Variants in SUGCT observed in about 807,000 individuals in gnomAD.
SUGCT encodes the protein succinyl-CoA:glutarate-CoA transferase.
In SUGCT, 41 loss-of-function variants were observed where a neutral mutation model predicts 55.0. The observed-to-expected ratio is 0.74, with a 90% CI of 0.58 to 0.97. The LOEUF is 0.97. Among genes scored for constraint, SUGCT ranks in the 50% least tolerant of loss-of-function variants. The pLI is 0.00. For synonymous variants in SUGCT, 187 were observed against 200.4 expected, an observed-to-expected ratio of 0.93 and a Z score of 0.56; for missense variants, 568 against 547.8, an observed-to-expected ratio of 1.04 and a Z score of -0.37.
intron 6 of SUGCT, among the ~76,000 whole-genome samples, chr7:40,197,135 C>T (rs183035669): frequency 2.6e-5 from 4 of 152,040 alleles, no homozygotes; most frequent in Non-Finnish European, 4.4e-5. Flanking sequence ...GTGCCCGGCC[C>T]TGATGATTAA....
intron 1 of SUGCT, among the ~76,000 whole-genome samples, chr7:40,157,216 A>G (rs930760283): frequency 6.6e-6 from 1 of 152,008 alleles, no homozygotes; most frequent in African/African-American, 2.4e-5. Flanking sequence ...ACATTTATTT[A>G]TGTTCCAAAG....
chr7:40,545,989 C>A (rs1399790410), intron 12 of SUGCT, among the ~76,000 whole-genome samples: 1 of 152,184 alleles, frequency 6.6e-6, no homozygotes, highest in Non-Finnish European at 1.5e-5. Context: ...AAATCAGAAT[C>A]ATACATCATA....
intron 13 of SUGCT, among the ~76,000 whole-genome samples, chr7:40,846,321 C>G (rs1256788066): frequency 6.6e-6 from 1 of 151,794 alleles, no homozygotes; most frequent in East Asian, 1.9e-4. Context: ...GTTTCTTCAC[C>G]CTTTTGAGTA....
chr7:40,478,269 G>A (rs1206088172), intron 11 of SUGCT, among the ~76,000 whole-genome samples: 2 of 151,996 alleles, frequency 1.3e-5, no homozygotes, highest in African/African-American at 2.4e-5. Context: ...GCCTCCCAAA[G>A]CACTGGAATT....
At chr7:40,575,125 T>TGGGGGGGGGGGGGGGGGGGGGGGGGG (rs1491375845) in intron 12 of SUGCT, among the ~76,000 whole-genome samples, 2 of 136,956 alleles carry the variant, frequency 1.5e-5, no homozygotes, top group African/African-American at 6.3e-5. Context: ...GTGGCGGGGG[T>TGGGGGGGGGGGGGGGGGGGGGGGGGG]GGGGGTGGAG....
chr7:40,345,239 A>G (rs1797249417), intron 9 of SUGCT, among the ~76,000 whole-genome samples: 1 of 151,726 alleles, frequency 6.6e-6, no homozygotes. Context: ...TTGAGTGTAT[A>G]AGGTATGGAG....
chr7:40,181,892 A>G, intron 2 of SUGCT, 63 bp from the exon 3 acceptor site: 1 of 1,072,330 alleles, frequency 9.3e-7, no homozygotes, highest in Non-Finnish European at 1.4e-6. Flanking sequence ...GGTTGTTGGA[A>G]AATAATTAAT....
chr7:40,786,394 C>G (rs2128742000), intron 13 of SUGCT, among the ~76,000 whole-genome samples: 1 of 152,258 alleles, frequency 6.6e-6, no homozygotes, highest in African/African-American at 2.4e-5. Flanking sequence ...TTTTGATTAG[C>G]AGGAATTACT....
intron 7 of SUGCT, among the ~76,000 whole-genome samples, chr7:40,260,109 A>G (rs1791120962): frequency 6.6e-6 from 1 of 152,244 alleles, no homozygotes; most frequent in East Asian, 1.9e-4. Context: ...GCAAAATGCC[A>G]ATAGTGCTTC....
chr7:40,908,761 A>G, the SUGCT span, among the ~76,000 whole-genome samples: 1 of 152,190 alleles, frequency 6.6e-6, no homozygotes, highest in Non-Finnish European at 1.5e-5. Flanking sequence ...GAAGATTCTT[A>G]CAATTTAATA....
At chr7:40,837,640 A>G (rs184013482) in intron 13 of SUGCT, among the ~76,000 whole-genome samples, 1 of 152,032 alleles carries the variant, frequency 6.6e-6, no homozygotes, top group Non-Finnish European at 1.5e-5. Flanking sequence ...CTGGAGTGCA[A>G]TGGCACAATC....
At chr7:40,567,612 G>A (rs1024289692) in intron 12 of SUGCT, among the ~76,000 whole-genome samples, 2 of 152,148 alleles carry the variant, frequency 1.3e-5, no homozygotes, top group Non-Finnish European at 2.9e-5. Flanking sequence ...CAGCCTTAAT[G>A]TGAGGGCTCT....
chr7:40,320,553 C>G (rs1795672095), intron 9 of SUGCT, among the ~76,000 whole-genome samples: 3 of 152,188 alleles, frequency 2.0e-5, no homozygotes, highest in Admixed American at 2.0e-4. Context: ...AGTGGGGCCA[C>G]TGCCCTTTAC....
intron 11 of SUGCT, among the ~76,000 whole-genome samples, chr7:40,478,380 T>C (rs1006141415): frequency 6.6e-6 from 1 of 152,166 alleles, no homozygotes; most frequent in Non-Finnish European, 1.5e-5. Context: ...ACATATATTT[T>C]ATTTAAACTT....
the SUGCT span, among the ~76,000 whole-genome samples, chr7:41,022,800 GGAAA>G: frequency 1.3e-5 from 2 of 151,864 alleles, no homozygotes; most frequent in African/African-American, 4.8e-5. Context: ...AATAGGTGAA[GGAAA>G]GAAAGTATAA....
intron 12 of SUGCT, among the ~76,000 whole-genome samples, chr7:40,584,606 A>C (rs935280011): frequency 2.0e-5 from 3 of 152,210 alleles, no homozygotes; most frequent in Non-Finnish European, 4.4e-5. Flanking sequence ...ACAACACTCC[A>C]TCAAAGTAAT....
At chr7:40,431,062 A>T (rs927835546) in intron 9 of SUGCT, among the ~76,000 whole-genome samples, 6 of 151,078 alleles carry the variant, frequency 4.0e-5, no homozygotes, top group East Asian at 4.0e-4. Context: ...AGGTTACAGT[A>T]AGCCAAGATC....
intron 12 of SUGCT, among the ~76,000 whole-genome samples, chr7:40,738,289 A>G (rs1165050527): frequency 1.3e-5 from 2 of 152,074 alleles, no homozygotes; most frequent in African/African-American, 4.8e-5. Flanking sequence ...ATCAATCTCA[A>G]ACACAGCAAG....
At chr7:40,286,349 A>C (rs1793337536) in intron 8 of SUGCT, among the ~76,000 whole-genome samples, 2 of 152,182 alleles carry the variant, frequency 1.3e-5, no homozygotes, top group African/African-American at 4.8e-5. Context: ...GGACTAGCCA[A>C]GTCAAGATAC....
Sources: allele counts gnomAD v4.1 joint callset (sites outside exome capture counted in the v4.1 genomes callset), GRCh38; gene constraint gnomAD v4.1.1; transcripts MANE v1.5; gene names NCBI Gene and HGNC (gene_info 2026-07-23, HGNC 2026-07-21).